MAP6: variants seen among roughly 807,000 people sequenced by gnomAD.
MAP6 encodes microtubule-associated protein 6.
A neutral mutation model predicts 42.4 loss-of-function variants in MAP6; 26 were observed. That is an observed-to-expected ratio of 0.61 (90% CI 0.45 to 0.85). MAP6 has a LOEUF of 0.85. MAP6 is among the 40% of genes least tolerant of loss of function. MAP6 has a pLI of 0.00. For missense variants in MAP6, 966 were observed against 1,099.0 expected, an observed-to-expected ratio of 0.88 and a Z score of 1.71; for synonymous variants, 418 against 443.8, an observed-to-expected ratio of 0.94 and a Z score of 0.73.
chr11:75,668,189 A>AG lies in MAP6; in HGVS notation c.180dup (p.Ser61LeufsTer151). On this transcript the variant is annotated frameshift_variant, in exon 1 of 4. Coordinates refer to ENST00000304771, the MANE Select transcript of MAP6 (RefSeq NM_033063.2). LOFTEE classifies it high-confidence loss of function. ...GTCTCTATGGCAACCGCGCGCGCCG[A>AG]GGGGGGCGCGAGCGCCGGCTGCGCC... 8.2e-7 allele frequency: 1 copy of AG among 1,220,238 alleles called. No individual in the cohort carries two copies. The highest frequency in any genetic ancestry group is 1.0e-6 in the Non-Finnish European group (1 of 988,436). 75.6% of individuals were successfully genotyped at this position (1,220,238 alleles called of 1,614,324 possible). A position where few individuals can be genotyped will look rare whatever the true frequency, so the allele number is the denominator to read the frequency against.
chr11:75,622,587 A>G (rs1030482424), intron 1 of MAP6, among the ~76,000 whole-genome samples: 4 of 152,266 alleles, frequency 2.6e-5, no homozygotes, highest in African/African-American at 9.6e-5. Flanking sequence ...GAAGCAACTA[A>G]TATCAAAATC....
At chr11:75,606,690 G>T (rs371275490) in intron 2 of MAP6, among the ~76,000 whole-genome samples, 1 of 152,212 alleles carries the variant, frequency 6.6e-6, no homozygotes, top group Non-Finnish European at 1.5e-5. Context: ...GGGCAGGGGG[G>T]CATCTCCAGT....
intron 3 of MAP6, chr11:75,604,173 T>C: frequency 1.0e-6 from 1 of 985,882 alleles, no homozygotes; most frequent in Non-Finnish European, 1.2e-6. Flanking sequence ...GATCAACAAC[T>C]TCGTTTCTGA....
chr11:75,630,725 C>T (rs933219288), intron 1 of MAP6, among the ~76,000 whole-genome samples: 2 of 152,164 alleles, frequency 1.3e-5, no homozygotes, highest in Non-Finnish European at 2.9e-5. Flanking sequence ...CTGTATCTCC[C>T]TAAACTCATT....
intron 1 of MAP6, among the ~76,000 whole-genome samples, chr11:75,609,384 T>G (rs1318726841): frequency 6.6e-6 from 1 of 151,960 alleles, no homozygotes; most frequent in Non-Finnish European, 1.5e-5. Flanking sequence ...ATCTGTGGAG[T>G]TAGGTTCTTC....
At chr11:75,650,985 C>T (rs979570127) in intron 1 of MAP6, among the ~76,000 whole-genome samples, 6 of 152,144 alleles carry the variant, frequency 3.9e-5, no homozygotes, top group African/African-American at 9.7e-5. Flanking sequence ...CTGTCCTCTC[C>T]TCCTCACCCA....
intron 1 of MAP6, among the ~76,000 whole-genome samples, chr11:75,609,664 G>GT (rs1298674474): frequency 6.6e-6 from 1 of 152,144 alleles, no homozygotes; most frequent in Non-Finnish European, 1.5e-5. Flanking sequence ...AGCTGATTTG[G>GT]TAACACTGAG....
intron 1 of MAP6, among the ~76,000 whole-genome samples, chr11:75,624,428 A>G (rs1490471951): frequency 2.6e-5 from 4 of 152,112 alleles, no homozygotes; most frequent in Non-Finnish European, 4.4e-5. Context: ...CTCTCTCACC[A>G]TCAGCACAGC....
chr11:75,605,422 G>A (rs1052576254), intron 3 of MAP6: 7 of 1,001,376 alleles, frequency 7.0e-6, no homozygotes, highest in Admixed American at 1.2e-4. Context: ...GTTCAAAATC[G>A]ACCAGTGACA....
chr11:75,596,045 A>G (rs1002540255), intron 3 of MAP6: 1 of 152,234 alleles, frequency 6.6e-6, no homozygotes, highest in African/African-American at 2.4e-5. Flanking sequence ...CATTTACATG[A>G]CATGAAAATG....
At chr11:75,616,602 A>C (rs1942998584) in intron 1 of MAP6, among the ~76,000 whole-genome samples, 1 of 152,248 alleles carries the variant, frequency 6.6e-6, no homozygotes, top group Admixed American at 6.5e-5. Context: ...TAGATTAAAA[A>C]GAAAGAACAA....
chr11:75,665,586 G>A (rs1179530946), intron 1 of MAP6, among the ~76,000 whole-genome samples: 1 of 152,206 alleles, frequency 6.6e-6, no homozygotes, highest in Non-Finnish European at 1.5e-5. Context: ...TGGGCCAGAC[G>A]TGGGCTTCTC....
At chr11:75,594,947 A>T (rs1942551416) in intron 3 of MAP6, among the ~76,000 whole-genome samples, 1 of 152,230 alleles carries the variant, frequency 6.6e-6, no homozygotes, top group African/African-American at 2.4e-5. Context: ...TGTCTCTTCA[A>T]ACCAGAGAGG....
chr11:75,594,639 C>T (rs955610928), intron 3 of MAP6: 2 of 152,214 alleles, frequency 1.3e-5, no homozygotes, highest in Non-Finnish European at 2.9e-5. Context: ...GGGTCTGGCT[C>T]ATTGTAGTAC....
At chr11:75,629,944 C>T (rs991660666) in intron 1 of MAP6, among the ~76,000 whole-genome samples, 5 of 152,192 alleles carry the variant, frequency 3.3e-5, no homozygotes, top group African/African-American at 1.2e-4. Flanking sequence ...CTCATGTCTT[C>T]TAATATCCAC....
chr11:75,607,986 C>G (rs1305170410), intron 2 of MAP6, 123 bp downstream of exon 2: 4 of 854,014 alleles, frequency 4.7e-6, no homozygotes, highest in African/African-American at 3.4e-5. Context: ...TTAGAGGAAG[C>G]AGGGATTTTA....
rs1943994968 is a variant in MAP6 at position 75,668,082 on chromosome 11, C to T, written c.288G>A (p.Ala96=). The T allele has an allele frequency of 1.1e-5, 13 of 1,216,372 alleles. No homozygotes were observed. Among genetic ancestry groups the T allele is most frequent in the Non-Finnish European group, 1.3e-5 (13 of 981,042 alleles). 75.3% of individuals were successfully genotyped at this position (1,216,372 alleles called of 1,614,324 possible). A position where few individuals can be genotyped will look rare whatever the true frequency, so the allele number is the denominator to read the frequency against. Reference sequence around the variant, plus strand: ...CCGGCCCGCTCCGGCCGGGGCCCGCCGCCGGCTCGCGCTCGCCGGTAGGCC... The same window carrying T: ...CCGGCCCGCTCCGGCCGGGGCCCGCTGCCGGCTCGCGCTCGCCGGTAGGCC... ...APGPTGEREP[A]AGPGRSGPGP... is the part of the protein sequence containing the mutation. Residue 96 remains alanine, a synonymous_variant, in exon 1 of 4, where the codon GCG becomes GCA. Transcript: ENST00000304771.
chr11:75,653,342 C>T (rs915558379), intron 1 of MAP6, among the ~76,000 whole-genome samples: 4 of 152,122 alleles, frequency 2.6e-5, no homozygotes, highest in East Asian at 3.8e-4. Flanking sequence ...TCCTTGGGGC[C>T]CCTGGGCTTT....
chr11:75,664,269 GA>G (rs1393103289), intron 1 of MAP6, among the ~76,000 whole-genome samples: 4 of 152,156 alleles, frequency 2.6e-5, no homozygotes, highest in African/African-American at 9.7e-5. Context: ...GATACTACTT[GA>G]ATGCAAAAAT....
Sources: allele counts gnomAD v4.1 joint callset (sites outside exome capture counted in the v4.1 genomes callset), GRCh38; gene constraint gnomAD v4.1.1; transcripts MANE v1.5; gene names NCBI Gene and HGNC (gene_info 2026-07-23, HGNC 2026-07-21).